PSMA1: variants seen among roughly 807,000 people sequenced by gnomAD.
PSMA1 encodes the protein proteasome subunit alpha type-1.
PSMA1 carries 3 observed loss-of-function variants against 38.4 expected under a neutral mutation model. The observed-to-expected ratio is 0.08, with a 90% CI of 0.04 to 0.20. PSMA1 has a LOEUF of 0.20. PSMA1 is among the 10% of genes least tolerant of loss of function. The pLI is 1.00. For synonymous variants in PSMA1, 101 were observed against 107.1 expected, an observed-to-expected ratio of 0.94 and a Z score of 0.35; for missense variants, 227 against 325.3, an observed-to-expected ratio of 0.70 and a Z score of 2.32.
chr11:14,517,945 C>T lies in PSMA1; in HGVS notation c.85G>A (p.Val29Ile). 1 of 1,608,154 alleles carries T rather than the reference C, an allele frequency of 6.2e-7. No homozygotes were observed. Among genetic ancestry groups the T allele is most frequent in the Non-Finnish European group, 8.5e-7 (1 of 1,178,202 alleles). ...CCAACTGTGGCTGAACCTTGTTTAA[C>T]AGCTTCCATTGCATATTCAATTTGA... ...IHQIEYAMEAVKQGSATVGLK... is the reference protein window; with the variant it reads ...IHQIEYAMEAIKQGSATVGLK... Residue 29 changes from valine to isoleucine, a missense_variant, in exon 3 of 10, where the codon GTT becomes ATT. Coordinates refer to ENST00000396394, the MANE Select transcript of PSMA1 (RefSeq NM_002786.4).
Position 14,572,824 on chromosome 11 carries a change from A to G in PSMA1, c.21+38142T>C, listed in dbSNP as rs568621140. On this transcript the variant is annotated intron_variant, in intron 2 of 10. Coordinates refer to the PSMA1 transcript ENST00000418988. ...TCAAACAGACACAATAAAAAATGAT[A>G]AAGGGGATATTACCACCAATCCCAT... 2.7e-4 allele frequency among the ~76,000 whole-genome samples: 41 copies of G among 152,344 alleles called. No individual in the cohort carries two copies. The South Asian group carries it at 6.0e-3, about 22-fold the overall frequency.
At chr11:14,594,912 C>T (rs1266160653) in intron 2 of PSMA1, among the ~76,000 whole-genome samples, 2 of 152,034 alleles carry the variant, frequency 1.3e-5, no homozygotes, top group African/African-American at 2.4e-5. Context: ...CTCCCCCAGC[C>T]CCCAACCCCC....
At chr11:14,633,168 C>A (rs1388552562) in intron 1 of PSMA1, among the ~76,000 whole-genome samples, 2 of 152,102 alleles carry the variant, frequency 1.3e-5, no homozygotes, top group East Asian at 1.9e-4. Flanking sequence ...AGCTTTGTTC[C>A]ATTGCTGGTG....
At chr11:14,598,351 T>TAAA (rs776127974) in intron 2 of PSMA1, among the ~76,000 whole-genome samples, 64 of 152,042 alleles carry the variant, frequency 4.2e-4, no homozygotes, top group Non-Finnish European at 5.9e-4. Flanking sequence ...AGTGGGGTGT[T>TAAA]TGTCTCCCAT....
At chr11:14,582,342 C>T (rs1852290674) in intron 2 of PSMA1, among the ~76,000 whole-genome samples, 1 of 152,108 alleles carries the variant, frequency 6.6e-6, no homozygotes, top group African/African-American at 2.4e-5. Context: ...GGCTTTCTCT[C>T]CCCACCTAGA....
chr11:14,637,592 A>ATT (rs560430562), intron 1 of PSMA1, among the ~76,000 whole-genome samples: 19 of 150,626 alleles, frequency 1.3e-4, no homozygotes, highest in African/African-American at 4.4e-4. Flanking sequence ...TTACGGCTTA[A>ATT]TTTTTTTTTT....
upstream of PSMA1, among the ~76,000 whole-genome samples, chr11:14,524,402 T>G (rs1851564494): frequency 6.6e-6 from 1 of 152,162 alleles, no homozygotes; most frequent in Non-Finnish European, 1.5e-5. Context: ...GATTTATTTC[T>G]GCCCCAACCT....
chr11:14,534,209 A>C lies in PSMA1; in HGVS notation c.22-15168T>G, dbSNP rs193265479. On this transcript the variant is annotated intron_variant, in intron 2 of 10. Transcript: ENST00000418988. The surrounding 1 kb of genome is among the most constrained non-coding windows in gnomAD (Gnocchi z 4.5). ...AAATACATACATACATACATACATA[A>C]ATAAAATAAAATAAAAATTAATATC... 3.1e-3 allele frequency among the ~76,000 whole-genome samples: 472 copies of C among 152,226 alleles called. 2 individuals carry two copies. Among genetic ancestry groups the C allele is most frequent in the Middle Eastern group, 6.8e-3 (2 of 294 alleles).
intron 2 of PSMA1, among the ~76,000 whole-genome samples, chr11:14,597,837 T>C (rs1338232353): frequency 6.6e-6 from 1 of 152,160 alleles, no homozygotes; most frequent in Non-Finnish European, 1.5e-5. Context: ...TTAATTGTGA[T>C]GTTAGGGTGT....
chr11:14,508,561 C>CAAAAAAAAACAAAAAAAAAAA (rs1851285350), intron 8 of PSMA1, among the ~76,000 whole-genome samples: 1 of 47,120 alleles, frequency 2.1e-5, no homozygotes, highest in African/African-American at 8.4e-5. Flanking sequence ...CACTCCATCT[C>CAAAAAAAAACAAAAAAAAAAA]AAAAAAAAAA....
At chr11:14,522,247 T>C (rs1310315135), upstream of PSMA1, among the ~76,000 whole-genome samples, 2 of 152,204 alleles carry the variant, frequency 1.3e-5, no homozygotes, top group Non-Finnish European at 2.9e-5. Context: ...TTTTATTGTA[T>C]GGAAATATAA....
intron 9 of PSMA1, among the ~76,000 whole-genome samples, chr11:14,506,583 C>A (rs1851248662): frequency 1.3e-5 from 2 of 152,066 alleles, no homozygotes; most frequent in African/African-American, 4.8e-5. Flanking sequence ...AGCAAAAAGA[C>A]CCATATTTCA....
intron 2 of PSMA1, among the ~76,000 whole-genome samples, chr11:14,594,521 T>C (rs1005910759): frequency 6.6e-6 from 1 of 152,214 alleles, no homozygotes; most frequent in Non-Finnish European, 1.5e-5. Context: ...ATTCAGTAAA[T>C]AAGTGTTCAA....
chr11:14,640,920 A>T (rs1430695068), intron 1 of PSMA1, among the ~76,000 whole-genome samples: 2 of 152,256 alleles, frequency 1.3e-5, no homozygotes, highest in Non-Finnish European at 2.9e-5. Context: ...AGAAATTAGA[A>T]AAAAAGAAAT....
At chr11:14,629,346 A>C (rs954138377) in intron 1 of PSMA1, among the ~76,000 whole-genome samples, 117 of 152,278 alleles carry the variant, frequency 7.7e-4, no homozygotes, top group African/African-American at 2.8e-3. Flanking sequence ...ATTTTTATAT[A>C]AGGTGTAAGG....
At chr11:14,512,330 C>T (rs912874925) in intron 7 of PSMA1, among the ~76,000 whole-genome samples, 32 of 151,610 alleles carry the variant, frequency 2.1e-4, no homozygotes, top group African/African-American at 6.5e-4. Flanking sequence ...GCCGAGATCG[C>T]GCCATTGCAC....
At chr11:14,628,616 G>T (rs1163627261) in intron 1 of PSMA1, among the ~76,000 whole-genome samples, 1 of 148,746 alleles carries the variant, frequency 6.7e-6, no homozygotes, top group African/African-American at 2.5e-5. Flanking sequence ...GAATAATGCC[G>T]CAATAAACAT....
At chr11:14,628,169 CT>C (rs989652811) in intron 1 of PSMA1, among the ~76,000 whole-genome samples, 33 of 149,632 alleles carry the variant, frequency 2.2e-4, no homozygotes, top group East Asian at 9.8e-4. Context: ...AATAGTTTTT[CT>C]TTTTTTTTTA....
rs200574086 is a variant in PSMA1, at chr11:14,642,111, G to GCA, written c.-166+1342_-166+1343dup. 6.0e-5 allele frequency among the ~76,000 whole-genome samples: 9 copies of GCA among 150,856 alleles called. No homozygotes were observed. In the East Asian group the frequency reaches 7.7e-4, roughly 13 times the overall value. ...AATGCCCACACACATACACGCACAT[G>GCA]CACACACACACACCTGTTAATCTGA... On this transcript the variant is annotated intron_variant, in intron 1 of 10. Transcript: ENST00000418988.
Sources: gnomAD v4.1 joint callset for allele counts (sites outside exome capture counted in the v4.1 genomes callset) on GRCh38, gnomAD v4.1.1 for gene constraint, Gnocchi (gnomAD v3.1) non-coding constraint, MANE v1.5 for transcripts, NCBI Gene and HGNC (gene_info 2026-07-23, HGNC 2026-07-21) for gene names.